Variants in PCDHGA11 observed in about 807,000 individuals in gnomAD.
The protein encoded by PCDHGA11 is protocadherin gamma-A11.
A neutral mutation model predicts 60.4 loss-of-function variants in PCDHGA11; 39 were observed. The observed-to-expected ratio is 0.65, with a 90% confidence interval of 0.50 to 0.84. The LOEUF (loss-of-function observed/expected upper bound fraction) is 0.84. Ranked by LOEUF, PCDHGA11 falls within the 40% of genes least tolerant of loss-of-function variation. PCDHGA11 has a pLI of 0.00. For synonymous variants in PCDHGA11, 533 were observed against 510.3 expected, an observed-to-expected ratio of 1.04 and a Z score of -0.60; for missense variants, 1,165 against 1,197.7, an observed-to-expected ratio of 0.97 and a Z score of 0.40.
At chr5:141,497,776 C>A (rs1384125562) in intron 2 of PCDHGA11, among the ~76,000 whole-genome samples, 2 of 152,170 alleles carry the variant, frequency 1.3e-5, no homozygotes. Flanking sequence ...CCGACCTCAA[C>A]TGATCCACCT....
chr5:141,441,891 G>A, intron 1 of PCDHGA11: 1 of 348,040 alleles, frequency 2.9e-6, no homozygotes, highest in East Asian at 9.1e-5. Flanking sequence ...TCACCAAGGT[G>A]GTGGCTGTAG....
chr5:141,455,725 C>T (rs1001661569), intron 1 of PCDHGA11, among the ~76,000 whole-genome samples: 4 of 152,136 alleles, frequency 2.6e-5, no homozygotes, highest in South Asian at 2.1e-4. Context: ...TAATGGCCTG[C>T]ATTTGCATAT....
In PCDHGA11 at chr5:141,489,088, G is replaced by GGCA; in HGVS notation, c.2434-5719_2434-5718insGCA. The GGCA allele has an allele frequency of 2.9e-6, 1 of 347,238 alleles. No individual in the cohort carries two copies. Among genetic ancestry groups the GGCA allele is most frequent in the Non-Finnish European group, 5.0e-6 (1 of 200,706 alleles). The allele number at this position is 347,238 out of a possible 1,614,324, so 21.5% of individuals were successfully genotyped here. A position where few individuals can be genotyped will look rare whatever the true frequency, so the allele number is the denominator to read the frequency against. The stretch of plus-strand genomic sequence containing the variant: ...CCCCTGCCCACCCCCGCCACTCGGT[G>GGCA]ACTAAGAACTGCTGCAAGCAGGCAA... On this transcript the variant is annotated intron_variant, in intron 1 of 3. Coordinates refer to ENST00000398587, the MANE Select transcript of PCDHGA11 (RefSeq NM_018914.3). This position sits in a 1 kb window ranked among gnomAD's most constrained non-coding sequence, Gnocchi z 4.5.
At chr5:141,464,282 A>AG (rs1318553407) in intron 1 of PCDHGA11, among the ~76,000 whole-genome samples, 1 of 151,396 alleles carries the variant, frequency 6.6e-6, no homozygotes, top group Non-Finnish European at 1.5e-5. Flanking sequence ...AAAAAAGCAA[A>AG]AAAAAAAACT....
At chr5:141,497,272 T>G (rs568198729) in intron 2 of PCDHGA11, among the ~76,000 whole-genome samples, 20 of 152,254 alleles carry the variant, frequency 1.3e-4, no homozygotes, top group African/African-American at 4.3e-4. Flanking sequence ...CTAGGCCATT[T>G]ATGTTCCCTC....
In PCDHGA11 at chr5:141,477,017, A is replaced by G; in HGVS notation, c.2434-17790A>G. 2 of 1,614,220 alleles carry G rather than the reference A, an allele frequency of 1.2e-6. No homozygotes were observed. The highest frequency in any genetic ancestry group is 2.2e-5 in the East Asian group (1 of 44,868). ...GCAACTATTCGCCTTAGACCTTGTA[A>G]CCGGGATGCTGACAATCAAGGGTCG... On this transcript the variant is annotated intron_variant, in intron 1 of 3. Coordinates refer to ENST00000398587, the MANE Select transcript of PCDHGA11 (RefSeq NM_018914.3). This position sits in a 1 kb window ranked among gnomAD's most constrained non-coding sequence, Gnocchi z 4.9.
chr5:141,464,419 A>G (rs2099083824), intron 1 of PCDHGA11, among the ~76,000 whole-genome samples: 1 of 151,768 alleles, frequency 6.6e-6, no homozygotes, highest in South Asian at 2.1e-4. Context: ...ATATATCTAT[A>G]TATATAGATA....
Position 141,477,657 on chromosome 5 carries a change from G to C in PCDHGA11, c.2434-17150G>C. 4 of 1,614,190 alleles carry C rather than the reference G, an allele frequency of 2.5e-6. No individual in the cohort carries two copies. Among genetic ancestry groups the C allele is most frequent in the Non-Finnish European group, 3.4e-6 (4 of 1,180,038 alleles). The stretch of plus-strand genomic sequence containing the variant: ...GTGGGTCGCTATTTCACAATAAATC[G>C]TGACAATGGCATAGTGTCATCCTTA... On this transcript the variant is annotated intron_variant, in intron 1 of 3. Coordinates refer to ENST00000398587, the MANE Select transcript of PCDHGA11 (RefSeq NM_018914.3). The surrounding 1 kb of genome is among the most constrained non-coding windows in gnomAD (Gnocchi z 4.9).
chr5:141,487,162 G>T lies in PCDHGA11; in HGVS notation c.2434-7645G>T, dbSNP rs2099640627. 6.2e-7 allele frequency: 1 copy of T among 1,613,496 alleles called. No individual in the cohort carries two copies. Among genetic ancestry groups the T allele is most frequent in the African/African-American group, 1.3e-5 (1 of 75,026 alleles). On this transcript the variant is annotated intron_variant, in intron 1 of 3. Transcript: ENST00000398587. This position sits in a 1 kb window ranked among gnomAD's most constrained non-coding sequence, Gnocchi z 5.0. ...TCTCTACCTCTGTTACTCTCTTAGTGTCCTTAGAGGAAGACACTCATCCAG... is the reference window on the plus strand; with the variant it reads ...TCTCTACCTCTGTTACTCTCTTAGTTTCCTTAGAGGAAGACACTCATCCAG...
intron 1 of PCDHGA11, among the ~76,000 whole-genome samples, chr5:141,451,410 G>T (rs1201545799): frequency 6.6e-6 from 1 of 152,190 alleles, no homozygotes; most frequent in East Asian, 1.9e-4. Context: ...TAAGTTCCTT[G>T]TGGATTGTTA....
chr5:141,478,244 T>C lies in PCDHGA11; in HGVS notation c.2434-16563T>C, dbSNP rs758993366. ...TTCTGTGGGGTTTGTGGTCACAGTG[T>C]TCGGAGTAATCATATTCAAAGTTTA... On this transcript the variant is annotated intron_variant, in intron 1 of 3. Coordinates refer to ENST00000398587, the MANE Select transcript of PCDHGA11 (RefSeq NM_018914.3). 5 of 1,614,132 alleles carry C rather than the reference T, an allele frequency of 3.1e-6. No individual in the cohort carries two copies. In the South Asian group the frequency reaches 4.4e-5, roughly 14 times the overall value.
At position 141,423,244 on chromosome 5, in the gene PCDHGA11, C is replaced by T; in HGVS notation, c.2017C>T (p.Leu673=). ...TGTGGCCGACAGCATCCCCGAAGTC[C>T]TGGCGGACCTCGGCAGCCTCGAGTC... ...VAVADSIPEV[L]ADLGSLESLA... The change falls in exon 1 of 4, where the codon CTG becomes TTG. Residue 673 remains leucine (L), a synonymous_variant. Coordinates refer to ENST00000398587, the MANE Select transcript of PCDHGA11 (RefSeq NM_018914.3). The T allele has an allele frequency of 1.2e-6, 2 of 1,613,984 alleles. No homozygotes were observed. The highest frequency in any genetic ancestry group is 1.7e-6 in the Non-Finnish European group (2 of 1,180,018).
At chr5:141,446,102 A>C (rs751362645) in intron 1 of PCDHGA11, among the ~76,000 whole-genome samples, 1 of 152,214 alleles carries the variant, frequency 6.6e-6, no homozygotes, top group Non-Finnish European at 1.5e-5. Context: ...TGAATTATAG[A>C]TATATTTAGG....
chr5:141,498,273 A>G (rs1595516143), intron 2 of PCDHGA11, among the ~76,000 whole-genome samples: 1 of 152,038 alleles, frequency 6.6e-6, no homozygotes, highest in East Asian at 1.9e-4. Flanking sequence ...TCTTCAGTAA[A>G]CTTGGTTCAA....
intron 1 of PCDHGA11, among the ~76,000 whole-genome samples, chr5:141,460,536 G>A (rs911670681): frequency 2.0e-5 from 3 of 152,092 alleles, no homozygotes; most frequent in African/African-American, 7.2e-5. Flanking sequence ...AATAATCTTA[G>A]CACCTTAATC....
At chr5:141,444,757 C>T (rs919228537) in intron 1 of PCDHGA11, among the ~76,000 whole-genome samples, 4 of 152,050 alleles carry the variant, frequency 2.6e-5, no homozygotes, top group African/African-American at 9.7e-5. Flanking sequence ...ATATGTAGTT[C>T]TATTTCTATA....
At chr5:141,444,752 T>C (rs1376810825) in intron 1 of PCDHGA11, among the ~76,000 whole-genome samples, 2 of 152,228 alleles carry the variant, frequency 1.3e-5, no homozygotes, top group Non-Finnish European at 2.9e-5. Context: ...CTGATATATG[T>C]AGTTCTATTT....
intron 1 of PCDHGA11, among the ~76,000 whole-genome samples, chr5:141,488,493 C>T (rs1594759823): frequency 6.6e-6 from 1 of 152,226 alleles, no homozygotes; most frequent in East Asian, 1.9e-4. Context: ...AAAACTGTAA[C>T]ACTCATTCCA....
At chr5:141,460,872 T>C (rs2098999714) in intron 1 of PCDHGA11, among the ~76,000 whole-genome samples, 1 of 151,064 alleles carries the variant, frequency 6.6e-6, no homozygotes, top group South Asian at 2.1e-4. Flanking sequence ...GCAAAGGACA[T>C]TATTTCATGC....
Sources: gnomAD v4.1 joint callset for allele counts (sites outside exome capture counted in the v4.1 genomes callset) on GRCh38, gnomAD v4.1.1 for gene constraint, Gnocchi (gnomAD v3.1) non-coding constraint, MANE v1.5 for transcripts, NCBI Gene and HGNC (gene_info 2026-07-23, HGNC 2026-07-21) for gene names.